LRP1B: variants seen among roughly 807,000 people sequenced by gnomAD.
LRP1B encodes LDL receptor related protein 1B.
In LRP1B, 217 loss-of-function variants were observed where a neutral mutation model predicts 556.6. The ratio of observed to expected loss-of-function variants is 0.39; its 90% confidence interval spans 0.35 to 0.44. The LOEUF (loss-of-function observed/expected upper bound fraction) is 0.44, where lower values mean the gene tolerates loss of function less well. Ranked by LOEUF, LRP1B falls within the 20% of genes least tolerant of loss-of-function variation. LRP1B has a pLI of 1.00. For synonymous variants in LRP1B, 2,047 were observed against 1,865.8 expected (o/e 1.10, Z -2.50); for missense variants, 5,053 against 5,620.8 (o/e 0.90, Z 3.23).
chr2:141,020,106 TA>T lies in LRP1B; in HGVS notation c.1790-5del, dbSNP rs1305014824. 8.6e-5 allele frequency: 128 copies of T among 1,489,728 alleles called. No individual in the cohort carries two copies. Among genetic ancestry groups the T allele is most frequent in the Non-Finnish European group, 1.0e-4 (115 of 1,114,412 alleles). The allele number at this position is 1,489,728 out of a possible 1,614,324, so 92.3% of individuals were successfully genotyped here. ...ATGCCCTCTACATTATCCAGATCTA[TA>T]AAAAAAGCAAAAACAAGAAAGAAAT... is the stretch of plus-strand genomic sequence containing the variant. On this transcript the variant is annotated splice_polypyrimidine_tract_variant and splice_region_variant and intron_variant, in intron 11 of 90. Transcript: ENST00000389484.
At chr2:141,330,874 TC>T (rs1432668879) in intron 3 of LRP1B, among the ~76,000 whole-genome samples, 1 of 150,628 alleles carries the variant, frequency 6.6e-6, no homozygotes, top group East Asian at 2.0e-4. Flanking sequence ...TGCCTCAGTC[TC>T]CCAAGTAGCT....
intron 1 of LRP1B, among the ~76,000 whole-genome samples, chr2:142,016,174 G>A (rs1180686618): frequency 2.6e-5 from 4 of 151,908 alleles, no homozygotes; most frequent in African/African-American, 9.7e-5. Context: ...TAAATAGTCA[G>A]GAAACAGATG....
rs142558893 is a variant in LRP1B at position 140,369,229 on chromosome 2, T to C, written c.11008+1481A>G. ...CAGGTACCTTGAGTAAAAACTGACATAATCGGAAGGACACTTACATAAGAT... is the reference window on the plus strand; with the variant it reads ...CAGGTACCTTGAGTAAAAACTGACACAATCGGAAGGACACTTACATAAGAT... On this transcript the variant is annotated intron_variant, in intron 71 of 90. Coordinates refer to ENST00000389484, the MANE Select transcript of LRP1B (RefSeq NM_018557.3). Among the ~76,000 whole-genome samples, 367 of 151,916 alleles carry C rather than the reference T, an allele frequency of 2.4e-3. 1 individual carries two copies. The highest frequency in any genetic ancestry group is 8.0e-3 in the African/African-American group (333 of 41,484).
intron 7 of LRP1B, among the ~76,000 whole-genome samples, chr2:141,171,858 C>A (rs1038202695): frequency 5.3e-5 from 8 of 152,096 alleles, no homozygotes; most frequent in African/African-American, 9.7e-5. Context: ...GGAAGAAATT[C>A]TCTGGATAAT....
chr2:140,465,720 C>CAAAAAAAAAAAAAAAAAAAAAA (rs34468644), intron 60 of LRP1B, among the ~76,000 whole-genome samples: 1 of 80,330 alleles, frequency 1.2e-5, no homozygotes, highest in African/African-American at 4.3e-5. Context: ...ATGACATTTG[C>CAAAAAAAAAAAAAAAAAAAAAA]AAAAAAAAAA....
At chr2:140,366,530 G>A (rs1342058493) in intron 71 of LRP1B, among the ~76,000 whole-genome samples, 1 of 151,624 alleles carries the variant, frequency 6.6e-6, no homozygotes, top group Non-Finnish European at 1.5e-5. Flanking sequence ...ATGATTTGAA[G>A]TTTAAAAGAG....
At chr2:141,291,855 C>CAAAAAAAAAAAAAAAAAAA (rs143819331) in intron 3 of LRP1B, among the ~76,000 whole-genome samples, 2 of 99,334 alleles carry the variant, frequency 2.0e-5, no homozygotes, top group African/African-American at 4.5e-5. Context: ...GACTCTGTCT[C>CAAAAAAAAAAAAAAAAAAA]AAAAAAAAAA....
At chr2:140,990,808 G>T (rs572697819) in intron 16 of LRP1B, among the ~76,000 whole-genome samples, 1 of 151,958 alleles carries the variant, frequency 6.6e-6, no homozygotes, top group East Asian at 1.9e-4. Flanking sequence ...CAATTTCAAC[G>T]CTGTTTTTAA....
At chr2:140,513,400 A>G (rs2104927841) in intron 51 of LRP1B, among the ~76,000 whole-genome samples, 1 of 152,236 alleles carries the variant, frequency 6.6e-6, no homozygotes, top group African/African-American at 2.4e-5. Flanking sequence ...AGATTGAAAC[A>G]GTGCTCATCC....
At chr2:140,673,643 G>T (rs1559046938) in intron 41 of LRP1B, among the ~76,000 whole-genome samples, 1 of 152,134 alleles carries the variant, frequency 6.6e-6, no homozygotes, top group Non-Finnish European at 1.5e-5. Context: ...GCCATTTACA[G>T]ATTTTTAGGT....
intron 1 of LRP1B, among the ~76,000 whole-genome samples, chr2:141,975,133 T>C (rs1253758799): frequency 1.3e-5 from 2 of 152,080 alleles, no homozygotes; most frequent in African/African-American, 2.4e-5. Flanking sequence ...GACATACATC[T>C]AGTCATATTT....
intron 43 of LRP1B, among the ~76,000 whole-genome samples, chr2:140,596,938 G>A (rs3793149): frequency 0.13 from 20,441 of 152,072 alleles, 1,795 homozygotes; most frequent in South Asian, 0.25. Flanking sequence ...CTAGTAGGGC[G>A]ATTAGTAAAT....
intron 66 of LRP1B, among the ~76,000 whole-genome samples, chr2:140,435,976 CT>C (rs1558881251): frequency 6.6e-6 from 1 of 151,422 alleles, no homozygotes; most frequent in African/African-American, 2.4e-5. Flanking sequence ...CTTCCTTTCT[CT>C]CTCTCTCTCT....
intron 16 of LRP1B, among the ~76,000 whole-genome samples, chr2:140,990,966 GT>G (rs1180558340): frequency 2.0e-5 from 3 of 152,064 alleles, no homozygotes; most frequent in African/African-American, 7.2e-5. Flanking sequence ...CTATAAAACA[GT>G]TTTTCTTTAA....
At chr2:141,496,842 G>A (rs1683526092) in intron 2 of LRP1B, among the ~76,000 whole-genome samples, 1 of 151,950 alleles carries the variant, frequency 6.6e-6, no homozygotes, top group African/African-American at 2.4e-5. Flanking sequence ...GAAAAAAGAA[G>A]AAGAACCAGA....
At chr2:140,667,522 C>T (rs1465568392) in intron 41 of LRP1B, among the ~76,000 whole-genome samples, 1 of 152,152 alleles carries the variant, frequency 6.6e-6, no homozygotes, top group African/African-American at 2.4e-5. Context: ...TTCTGTTGCT[C>T]CTTCAAATAA....
At chr2:141,062,348 A>C (rs1699359406) in intron 7 of LRP1B, 75 bp from the exon 8 acceptor site, 8 of 951,120 alleles carry the variant, frequency 8.4e-6, no homozygotes, top group Non-Finnish European at 1.3e-5. Flanking sequence ...TCTGTAAAAA[A>C]CAGAACTTTT....
chr2:140,693,939 C>T (rs1053435577), intron 41 of LRP1B, among the ~76,000 whole-genome samples: 1 of 152,160 alleles, frequency 6.6e-6, no homozygotes, highest in African/African-American at 2.4e-5. Context: ...AACTCCTGGC[C>T]TCAAGTGATC....
intron 7 of LRP1B, among the ~76,000 whole-genome samples, chr2:141,075,491 C>T (rs1029405997): frequency 1.7e-4 from 26 of 151,886 alleles, no homozygotes; most frequent in African/African-American, 5.1e-4. Flanking sequence ...AAGGGCAGTG[C>T]TATTTTAGCA....
Sources: allele counts gnomAD v4.1 joint callset (sites outside exome capture counted in the v4.1 genomes callset), GRCh38; gene constraint gnomAD v4.1.1; transcripts MANE v1.5; gene names NCBI Gene and HGNC (gene_info 2026-07-23, HGNC 2026-07-21).